PIEZO2: variants seen among roughly 807,000 people sequenced by gnomAD.
PIEZO2 encodes piezo type mechanosensitive ion channel component 2, also known as piezo-type mechanosensitive ion channel component 2.
PIEZO2 carries 172 observed loss-of-function variants against 337.3 expected under a neutral mutation model. The observed-to-expected ratio is 0.51, with a 90% CI of 0.45 to 0.58. PIEZO2 has a LOEUF of 0.58. PIEZO2 is among the 20% of genes least tolerant of loss of function. The pLI, the probability that PIEZO2 is intolerant of heterozygous loss-of-function variation, is 0.00. For synonymous variants in PIEZO2, 1,251 were observed against 1,228.5 expected, an observed-to-expected ratio of 1.02 and a Z score of -0.38; for missense variants, 3,028 against 3,391.3, an observed-to-expected ratio of 0.89 and a Z score of 2.66.
chr18:11,030,670 G>A (rs1434356740), intron 2 of PIEZO2, among the ~76,000 whole-genome samples: 1 of 152,136 alleles, frequency 6.6e-6, no homozygotes, highest in African/African-American at 2.4e-5. Context: ...TATATGACAA[G>A]GACCCCAGGC....
At chr18:10,831,769 C>T (rs933952386) in intron 7 of PIEZO2, among the ~76,000 whole-genome samples, 7 of 152,018 alleles carry the variant, frequency 4.6e-5, no homozygotes, top group Admixed American at 3.9e-4. Flanking sequence ...GTACCCCATA[C>T]ATATATATAC....
intron 39 of PIEZO2, among the ~76,000 whole-genome samples, chr18:10,714,126 A>C (rs545019036): frequency 5.9e-5 from 9 of 152,236 alleles, no homozygotes; most frequent in African/African-American, 2.2e-4. Flanking sequence ...CCTGTAACCG[A>C]ATTCTGTCTT....
At chr18:11,081,336 A>G (rs1218597062) in intron 1 of PIEZO2, among the ~76,000 whole-genome samples, 3 of 152,234 alleles carry the variant, frequency 2.0e-5, no homozygotes, top group Non-Finnish European at 4.4e-5. Context: ...TCCAATGCCA[A>G]TCATTAGGAA....
chr18:10,965,482 G>A (rs575748452), intron 3 of PIEZO2, among the ~76,000 whole-genome samples: 13 of 152,224 alleles, frequency 8.5e-5, no homozygotes, highest in South Asian at 2.1e-4. Context: ...GGCTCAAAGC[G>A]TTCAGAGGCT....
In PIEZO2 at chr18:11,009,658, G is replaced by A. The variant is rs1245806233; in HGVS notation, c.161-29998C>T. On this transcript the variant is annotated intron_variant, in intron 2 of 55. Transcript: ENST00000674853. The surrounding 1 kb of genome is among the most constrained non-coding windows in gnomAD (Gnocchi z 4.6). ...TAAATGTCTTGTTATGGGTTAAATC[G>A]TGTCCCCTTCATATGCTAAGTTCAT... 2.0e-5 allele frequency among the ~76,000 whole-genome samples: 3 copies of A among 152,132 alleles called. No individual in the cohort carries two copies. The highest frequency in any genetic ancestry group is 4.4e-5 in the Non-Finnish European group (3 of 68,030).
intron 29 of PIEZO2, among the ~76,000 whole-genome samples, chr18:10,749,426 G>A (rs2037558206): frequency 6.6e-6 from 1 of 152,146 alleles, no homozygotes; most frequent in Non-Finnish European, 1.5e-5. Flanking sequence ...TTGTGCCACT[G>A]TAGTTCAGCC....
At position 11,126,633 on chromosome 18, in the gene PIEZO2, T is replaced by A. The variant is rs893221481; in HGVS notation, c.64+21892A>T. ...AGAGCAGGAGCCATGCCTTACATAT[T>A]TTTTTTTTTTTGTATTCCCAGAATC... is the stretch of plus-strand genomic sequence containing the variant. On this transcript the variant is annotated intron_variant, in intron 1 of 55. Transcript: ENST00000674853. The surrounding 1 kb of genome is among the most constrained non-coding windows in gnomAD (Gnocchi z 4.6). Among the ~76,000 whole-genome samples the A allele has an allele frequency of 1.5e-5, 2 of 135,946 alleles. No homozygotes were observed. The highest frequency in any genetic ancestry group is 7.1e-5 in the Admixed American group (1 of 14,052). The allele number at this position is 135,946 out of a possible 152,430, so 89.2% of individuals were successfully genotyped here.
chr18:10,782,782 T>C (rs9948084), intron 17 of PIEZO2, among the ~76,000 whole-genome samples: 128,511 of 151,760 alleles, frequency 0.85, 54,495 homozygotes, highest in East Asian at 0.93. Flanking sequence ...TGAGGAAACA[T>C]AGAACCTACA....
At chr18:10,722,770 C>A (rs1003804216) in intron 36 of PIEZO2, among the ~76,000 whole-genome samples, 1 of 152,090 alleles carries the variant, frequency 6.6e-6, no homozygotes, top group Admixed American at 6.5e-5. Context: ...GTATTTAAAA[C>A]CACGAGAGTG....
chr18:11,013,512 C>T (rs112737090), intron 2 of PIEZO2, among the ~76,000 whole-genome samples: 13 of 152,314 alleles, frequency 8.5e-5, no homozygotes, highest in African/African-American at 3.1e-4. Flanking sequence ...AAAGATTTAT[C>T]AACACTTGAT....
chr18:10,763,846 G>T (rs78361099), intron 21 of PIEZO2, among the ~76,000 whole-genome samples: 9,275 of 152,276 alleles, frequency 0.061, 395 homozygotes, highest in East Asian at 0.18. Flanking sequence ...ATGGGGAGGA[G>T]GCGCGGATTC....
In PIEZO2 at chr18:10,894,862, T is replaced by A. The variant is rs1002306277; in HGVS notation, c.329+16324A>T. ...TGTGCCCCTCAGTCAGATTCTTTCATCTGAGGAGGGAAGAATTGAAGTTGC... is the reference window on the plus strand; with the variant it reads ...TGTGCCCCTCAGTCAGATTCTTTCAACTGAGGAGGGAAGAATTGAAGTTGC... On this transcript the variant is annotated intron_variant, in intron 4 of 55. Transcript: ENST00000674853. The surrounding 1 kb of genome is among the most constrained non-coding windows in gnomAD (Gnocchi z 4.1). 1 of 152,280 alleles carries A rather than the reference T, an allele frequency of 6.6e-6. No individual in the cohort carries two copies. The highest frequency in any genetic ancestry group is 2.4e-5 in the African/African-American group (1 of 41,478). 9.4% of individuals were successfully genotyped at this position (152,280 alleles called of 1,614,324 possible). A position where few individuals can be genotyped will look rare whatever the true frequency, so the allele number is the denominator to read the frequency against.
At chr18:10,689,508 A>T in intron 49 of PIEZO2, 147 bp downstream of exon 49, 1 of 1,014,330 alleles carries the variant, frequency 9.9e-7, no homozygotes, top group Non-Finnish European at 1.5e-6. Flanking sequence ...TCCCAACTCT[A>T]GTGGGTTGGA....
At position 10,750,309 on chromosome 18, in the gene PIEZO2, C is replaced by T. The variant is rs1376771241; in HGVS notation, c.4168-122G>A. 12 of 680,026 alleles carry T rather than the reference C, an allele frequency of 1.8e-5. No homozygotes were observed. The highest frequency in any genetic ancestry group is 2.8e-5 in the Non-Finnish European group (11 of 396,496). 42.1% of individuals were successfully genotyped at this position (680,026 alleles called of 1,614,324 possible). A position where few individuals can be genotyped will look rare whatever the true frequency, so the allele number is the denominator to read the frequency against. ...CAGTGATAAGGATTCCAGGAGATGC[C>T]AATTGTACCTAAAAATTCAGTCACC... is the stretch of plus-strand genomic sequence containing the variant. On this transcript the variant is annotated intron_variant, in intron 28 of 55. Coordinates refer to ENST00000674853, the MANE Select transcript of PIEZO2 (RefSeq NM_001378183.1). This position sits in a 1 kb window ranked among gnomAD's most constrained non-coding sequence, Gnocchi z 4.1.
chr18:11,021,995 A>G lies in PIEZO2; in HGVS notation c.161-42335T>C, dbSNP rs187573196. ...GGGGGGTCTCTCAAGAACAAACCCCAGGCATACATCTGTGTCTGTAATCTC... is the reference window on the plus strand; with the variant it reads ...GGGGGGTCTCTCAAGAACAAACCCCGGGCATACATCTGTGTCTGTAATCTC... On this transcript the variant is annotated intron_variant, in intron 2 of 55. Coordinates refer to ENST00000674853, the MANE Select transcript of PIEZO2 (RefSeq NM_001378183.1). The surrounding 1 kb of genome is among the most constrained non-coding windows in gnomAD (Gnocchi z 4.7). Among the ~76,000 whole-genome samples the G allele has an allele frequency of 1.2e-4, 19 of 152,310 alleles. No homozygotes were observed. Among genetic ancestry groups the G allele is most frequent in the Admixed American group, 4.6e-4 (7 of 15,296 alleles).
At chr18:10,935,330 G>A (rs1021811094) in intron 3 of PIEZO2, among the ~76,000 whole-genome samples, 2 of 152,196 alleles carry the variant, frequency 1.3e-5, no homozygotes, top group Non-Finnish European at 2.9e-5. Context: ...GAAGGTAACT[G>A]CTCTCAGATT....
rs1052742161 is a variant in PIEZO2, at chr18:10,834,213, T to A, written c.917+21140A>T. Among the ~76,000 whole-genome samples the A allele has an allele frequency of 3.9e-5, 6 of 152,228 alleles. No individual in the cohort carries two copies. The highest frequency in any genetic ancestry group is 1.2e-4 in the African/African-American group (5 of 41,466). The stretch of plus-strand genomic sequence containing the variant: ...TGCAGTACATTATCGTTGACTGTAG[T>A]CATTCTGTTGTGCTGTCAAATACTT... On this transcript the variant is annotated intron_variant, in intron 7 of 55. Transcript: ENST00000674853. The surrounding 1 kb of genome is among the most constrained non-coding windows in gnomAD (Gnocchi z 4.5).
At position 10,830,643 on chromosome 18, in the gene PIEZO2, G is replaced by C. The variant is rs60506207; in HGVS notation, c.918-23369C>G. Reference sequence around the variant, plus strand: ...GGCAAAGATTTCTTGGGTAATACCTGAAAAGCACAGACGACCAAAGCAAAA... The same window carrying C: ...GGCAAAGATTTCTTGGGTAATACCTCAAAAGCACAGACGACCAAAGCAAAA... On this transcript the variant is annotated intron_variant, in intron 7 of 55. Transcript: ENST00000674853. This position sits in a 1 kb window ranked among gnomAD's most constrained non-coding sequence, Gnocchi z 4.7. Among the ~76,000 whole-genome samples the C allele has an allele frequency of 0.03, 4,496 of 152,228 alleles. 143 individuals carry two copies. Among genetic ancestry groups the C allele is most frequent in the African/African-American group, 0.084 (3,487 of 41,526 alleles).
chr18:11,102,172 T>C lies in PIEZO2; in HGVS notation c.65-35950A>G, dbSNP rs554627547. On this transcript the variant is annotated intron_variant, in intron 1 of 55. Coordinates refer to ENST00000674853, the MANE Select transcript of PIEZO2 (RefSeq NM_001378183.1). This position sits in a 1 kb window ranked among gnomAD's most constrained non-coding sequence, Gnocchi z 5.7. ...TGGTCCCTGGTTGAACAAACACAAATTGTGGGGTGTATGCAAGATGTGATT... is the reference window on the plus strand; with the variant it reads ...TGGTCCCTGGTTGAACAAACACAAACTGTGGGGTGTATGCAAGATGTGATT... Among the ~76,000 whole-genome samples the C allele has an allele frequency of 2.0e-5, 3 of 152,242 alleles. No individual in the cohort carries two copies. Among genetic ancestry groups the C allele is most frequent in the East Asian group, 3.9e-4 (2 of 5,180 alleles).
Sources: allele counts gnomAD v4.1 joint callset (sites outside exome capture counted in the v4.1 genomes callset), GRCh38; gene constraint gnomAD v4.1.1; non-coding constraint Gnocchi (gnomAD v3.1); transcripts MANE v1.5; gene names NCBI Gene and HGNC (gene_info 2026-07-23, HGNC 2026-07-21).